TNKS: variants seen among roughly 807,000 people sequenced by gnomAD.
The protein encoded by TNKS is tankyrase, also known as poly [ADP-ribose] polymerase tankyrase-1.
Under a neutral mutation model 135.8 loss-of-function variants are expected in TNKS, and 72 were observed. The ratio of observed to expected loss-of-function variants is 0.53; its 90% confidence interval spans 0.44 to 0.64. TNKS has a LOEUF of 0.64. Among genes scored for constraint, TNKS ranks in the 30% least tolerant of loss-of-function variants. The pLI is 0.00. For missense variants in TNKS, 1,769 were observed against 1,674.0 expected (o/e 1.06, Z -0.99); for synonymous variants, 849 against 649.3 (o/e 1.31, Z -4.68).
chr8:9,623,432 C>A (rs1799939634), intron 3 of TNKS, among the ~76,000 whole-genome samples: 1 of 36,998 alleles, frequency 2.7e-5, no homozygotes, highest in Non-Finnish European at 5.8e-5. Context: ...AAGTGAAACA[C>A]ACTTTTTTTT....
At chr8:9,760,664 G>T (rs900175604) in intron 20 of TNKS, among the ~76,000 whole-genome samples, 1 of 152,166 alleles carries the variant, frequency 6.6e-6, no homozygotes, top group Non-Finnish European at 1.5e-5. Context: ...GTGGCTACCC[G>T]CGTTCATCCT....
At chr8:9,776,223 T>C (rs1808220084) in intron 26 of TNKS, among the ~76,000 whole-genome samples, 1 of 152,202 alleles carries the variant, frequency 6.6e-6, no homozygotes, top group Non-Finnish European at 1.5e-5. Context: ...TCTAGCTCAG[T>C]GGGTTACATC....
chr8:9,560,137 G>A lies in TNKS; in HGVS notation c.673+3525G>A, dbSNP rs188115840. 6.2e-4 allele frequency among the ~76,000 whole-genome samples: 94 copies of A among 152,120 alleles called. 1 individual carries two copies. The Middle Eastern group carries it at 0.01, about 17-fold the overall frequency. ...CCAATTTAGAGTGATACCTCCTTAG[G>A]ATGGTTTCTAGTAGTGACATATTTT... On this transcript the variant is annotated intron_variant, in intron 1 of 26. Transcript: ENST00000310430.
intron 2 of TNKS, among the ~76,000 whole-genome samples, chr8:9,614,668 A>G (rs1426237506): frequency 6.6e-6 from 1 of 152,196 alleles, no homozygotes; most frequent in Non-Finnish European, 1.5e-5. Context: ...CTCATAACTT[A>G]CAATTGAATT....
At chr8:9,742,425 C>G (rs778655605) in intron 17 of TNKS, among the ~76,000 whole-genome samples, 1 of 150,894 alleles carries the variant, frequency 6.6e-6, no homozygotes, top group Non-Finnish European at 1.5e-5. Context: ...TACAGTGACT[C>G]TCAGTTGGTA....
intron 19 of TNKS, 103 bp downstream of exon 19, chr8:9,751,949 C>T (rs1458453594): frequency 9.8e-7 from 1 of 1,019,232 alleles, no homozygotes; most frequent in East Asian, 2.4e-5. Context: ...TAGAGACGTC[C>T]TGTCTGTAAA....
chr8:9,771,850 G>GAGAGAGAGGAAGGAAGGGAA lies in TNKS; in HGVS notation c.3897+1588_3897+1589insAGAGAGAGGAAGGAAGGGAA, dbSNP rs1554490306. ...ATGAAGCGGGGAGAGAGGGGAGGGA[G>GAGAGAGAGGAAGGAAGGGAA]GGAGAGAGAGCTAGAGAGCGGAACG... On this transcript the variant is annotated intron_variant, in intron 26 of 26. Transcript: ENST00000310430. Among the ~76,000 whole-genome samples the GAGAGAGAGGAAGGAAGGGAA allele has an allele frequency of 2.1e-4, 6 of 28,080 alleles. 1 individual carries two copies. Among genetic ancestry groups the GAGAGAGAGGAAGGAAGGGAA allele is most frequent in the Non-Finnish European group, 6.4e-5 (1 of 15,740 alleles). 18.4% of individuals were successfully genotyped at this position (28,080 alleles called of 152,430 possible). A position where few individuals can be genotyped will look rare whatever the true frequency, so the allele number is the denominator to read the frequency against.
At chr8:9,679,568 T>G (rs963621529) in intron 3 of TNKS, among the ~76,000 whole-genome samples, 3 of 152,222 alleles carry the variant, frequency 2.0e-5, no homozygotes, top group African/African-American at 7.2e-5. Context: ...ATTATTTTGC[T>G]TTTGTCTCAG....
At chr8:9,762,149 C>G (rs1223496130) in intron 21 of TNKS, among the ~76,000 whole-genome samples, 1 of 152,206 alleles carries the variant, frequency 6.6e-6, no homozygotes, top group Non-Finnish European at 1.5e-5. Context: ...ACTTTCCTCC[C>G]TCCCACATGA....
At chr8:9,570,185 A>T (rs1349941238) in intron 1 of TNKS, among the ~76,000 whole-genome samples, 1 of 152,128 alleles carries the variant, frequency 6.6e-6, no homozygotes, top group Non-Finnish European at 1.5e-5. Flanking sequence ...TTCACTTGTA[A>T]TCCCAGCACT....
chr8:9,607,862 C>T (rs866629261), intron 2 of TNKS, among the ~76,000 whole-genome samples: 31 of 152,218 alleles, frequency 2.0e-4, no homozygotes, highest in African/African-American at 7.0e-4. Context: ...GTGAAACACT[C>T]CTTTTTTTTG....
intron 3 of TNKS, among the ~76,000 whole-genome samples, chr8:9,677,582 A>G (rs761256287): frequency 6.6e-6 from 1 of 152,078 alleles, no homozygotes; most frequent in Non-Finnish European, 1.5e-5. Context: ...AGACTGTCAG[A>G]ATTTACTTTT....
rs773554659 is a variant in TNKS at position 9,751,656 on chromosome 8, C to G, written c.2880C>G (p.Ala960=). The stretch of plus-strand genomic sequence containing the variant: ...TGATAGATGCCATGCCCCCAGAGGC[C>G]TTACCTACCTGTTTTAAACCTCAGG... ...ALLIDAMPPE[A]LPTCFKPQAT... The change falls in exon 19 of 27, where the codon GCC becomes GCG. Residue 960 remains alanine (A), a synonymous_variant. Coordinates refer to ENST00000310430, the MANE Select transcript of TNKS (RefSeq NM_003747.3). The G allele has an allele frequency of 3.7e-6, 6 of 1,614,188 alleles. No individual in the cohort carries two copies. Among genetic ancestry groups the G allele is most frequent in the South Asian group, 1.1e-5 (1 of 91,084 alleles).
At chr8:9,595,901 T>G (rs1468514047) in intron 2 of TNKS, among the ~76,000 whole-genome samples, 1 of 152,112 alleles carries the variant, frequency 6.6e-6, no homozygotes, top group Non-Finnish European at 1.5e-5. Context: ...TTGCTTGAGT[T>G]CAGAGTTTGA....
At chr8:9,611,135 C>T (rs1451966059) in intron 2 of TNKS, among the ~76,000 whole-genome samples, 2 of 152,048 alleles carry the variant, frequency 1.3e-5, no homozygotes, top group Non-Finnish European at 2.9e-5. Flanking sequence ...CTTGTTATGC[C>T]AGCTGCTACA....
Position 9,658,392 on chromosome 8 carries a change from G to A in TNKS, c.995-21559G>A, listed in dbSNP as rs187972071. On this transcript the variant is annotated intron_variant, in intron 3 of 26. Transcript: ENST00000310430. Reference sequence around the variant, plus strand: ...CGGCGGCAAAGACTGAGACAGCTCCGCTGCCCGCTGAACTCCATCCTCCCG... The same window carrying A: ...CGGCGGCAAAGACTGAGACAGCTCCACTGCCCGCTGAACTCCATCCTCCCG... 7.6e-5 allele frequency: 100 copies of A among 1,313,684 alleles called. No homozygotes were observed. In the African/African-American group the frequency reaches 1.2e-3, roughly 16 times the overall value. The allele number at this position is 1,313,684 out of a possible 1,614,324, so 81.4% of individuals were successfully genotyped here.
intron 3 of TNKS, among the ~76,000 whole-genome samples, chr8:9,621,982 A>G (rs1434583052): frequency 2.0e-5 from 3 of 152,208 alleles, no homozygotes; most frequent in Non-Finnish European, 2.9e-5. Context: ...GTGAATACTC[A>G]TTTTAAATAT....
At chr8:9,639,322 A>C (rs1800636990) in intron 3 of TNKS, among the ~76,000 whole-genome samples, 1 of 152,156 alleles carries the variant, frequency 6.6e-6, no homozygotes, top group South Asian at 2.1e-4. Context: ...CAGTTGTTTA[A>C]ACATAAGGAG....
At chr8:9,667,340 T>C (rs1263705443) in intron 3 of TNKS, among the ~76,000 whole-genome samples, 3 of 152,242 alleles carry the variant, frequency 2.0e-5, no homozygotes, top group Non-Finnish European at 4.4e-5. Context: ...ACAAAGCGTA[T>C]TGTGATTTAT....
Sources: gnomAD v4.1 joint callset for allele counts (sites outside exome capture counted in the v4.1 genomes callset) on GRCh38, gnomAD v4.1.1 for gene constraint, MANE v1.5 for transcripts, NCBI Gene and HGNC (gene_info 2026-07-23, HGNC 2026-07-21) for gene names.